Variants in FAT3 observed in about 807,000 individuals in gnomAD.
The protein encoded by FAT3 is protocadherin Fat 3.
In FAT3, 95 loss-of-function variants were observed where a neutral mutation model predicts 310.2. That is an observed-to-expected ratio of 0.31 (90% CI 0.26 to 0.36). The LOEUF is 0.36. Among genes scored for constraint, FAT3 ranks in the 10% least tolerant of loss-of-function variants. FAT3 has a pLI of 1.00. For synonymous variants in FAT3, 2,314 were observed against 2,192.9 expected, an observed-to-expected ratio of 1.06 and a Z score of -1.54; for missense variants, 5,408 against 5,715.6, an observed-to-expected ratio of 0.95 and a Z score of 1.74.
intron 1 of FAT3, among the ~76,000 whole-genome samples, chr11:92,346,188 C>T (rs912481614): frequency 6.6e-5 from 10 of 152,070 alleles, no homozygotes; most frequent in African/African-American, 1.2e-4. Context: ...CATAAAGTAG[C>T]GCCATGAGAA....
intron 3 of FAT3, among the ~76,000 whole-genome samples, chr11:92,686,313 A>G (rs2135874266): frequency 6.6e-6 from 1 of 152,352 alleles, no homozygotes; most frequent in South Asian, 2.1e-4. Context: ...GCCAAACAAA[A>G]GACCTGCTTG....
intron 3 of FAT3, among the ~76,000 whole-genome samples, chr11:92,595,381 AGGGATGTGGGCAACGGAACAAAAAGT>A (rs1939651889): frequency 6.6e-6 from 1 of 152,192 alleles, no homozygotes; most frequent in African/African-American, 2.4e-5. Context: ...AATTGAGCAC[AGGGATGTGGGCAACGGAACAAAAAGT>A]GTTTTATTTA....
In FAT3 at chr11:92,265,868, G is replaced by A. The variant is rs115573586; in HGVS notation, c.-18+40694G>A. Among the ~76,000 whole-genome samples the A allele has an allele frequency of 4.3e-3, 661 of 152,072 alleles. 6 individuals are homozygous for A. Among genetic ancestry groups the A allele is most frequent in the African/African-American group, 0.015 (639 of 41,500 alleles). On this transcript the variant is annotated intron_variant, in intron 1 of 27. Transcript: ENST00000525166. Reference sequence around the variant, plus strand: ...AGGTCCCACCTGTTAGTACCACCTTGGGGTTAGATTCAACACATACATCTT... The same window carrying A: ...AGGTCCCACCTGTTAGTACCACCTTAGGGTTAGATTCAACACATACATCTT...
At chr11:92,590,882 GAGATTTTAACACAA>G (rs1939389518) in intron 3 of FAT3, among the ~76,000 whole-genome samples, 1 of 152,218 alleles carries the variant, frequency 6.6e-6, no homozygotes, top group South Asian at 2.1e-4. Context: ...CAGATGAGCT[GAGATTTTAACACAA>G]AGCCTAAACT....
intron 2 of FAT3, among the ~76,000 whole-genome samples, chr11:92,488,201 A>T (rs1952483089): frequency 6.6e-6 from 1 of 152,046 alleles, no homozygotes; most frequent in South Asian, 2.1e-4. Context: ...ACAGTCCTAT[A>T]ACCACAAGTG....
intron 2 of FAT3, among the ~76,000 whole-genome samples, chr11:92,508,896 T>C (rs1417771415): frequency 6.6e-6 from 1 of 152,164 alleles, no homozygotes; most frequent in East Asian, 1.9e-4. Context: ...GAGCTGAAGG[T>C]TATGTTCTGA....
chr11:92,533,263 A>T (rs762631762), intron 3 of FAT3, among the ~76,000 whole-genome samples: 7 of 152,068 alleles, frequency 4.6e-5, no homozygotes, highest in Non-Finnish European at 1.0e-4. Flanking sequence ...CCTGGCTTCA[A>T]GCAATCCTCC....
chr11:92,247,605 C>T (rs1448654030), intron 1 of FAT3, among the ~76,000 whole-genome samples: 3 of 152,044 alleles, frequency 2.0e-5, no homozygotes, highest in Non-Finnish European at 4.4e-5. Context: ...GCAAGTCTGT[C>T]TTCCTACCAA....
At chr11:92,681,817 A>G (rs1943488192) in intron 3 of FAT3, among the ~76,000 whole-genome samples, 3 of 152,180 alleles carry the variant, frequency 2.0e-5, no homozygotes, top group African/African-American at 7.2e-5. Flanking sequence ...TCAAATTTGC[A>G]CTTTTCTGAA....
At position 92,524,751 on chromosome 11, in the gene FAT3, A is replaced by T; in HGVS notation, c.3410A>T (p.Glu1137Val). 6.2e-7 allele frequency: 1 copy of T among 1,613,776 alleles called. No individual in the cohort carries two copies. The highest frequency in any genetic ancestry group is 8.5e-7 in the Non-Finnish European group (1 of 1,179,802). The change falls in exon 3 of 28, where the codon GAA becomes GTA. Residue 1137 changes from glutamate to valine, a missense_variant. Coordinates refer to ENST00000525166, the MANE Select transcript of FAT3 (RefSeq NM_001367949.2). ...TACTCCACCATTGAGGTCTACATTG[A>T]AGTTGAAGATGTGAATGACAATGCC... ...PLYSTIEVYI[E>V]VEDVNDNAPL...
chr11:92,267,177 G>C (rs1945986264), intron 1 of FAT3, among the ~76,000 whole-genome samples: 1 of 151,972 alleles, frequency 6.6e-6, no homozygotes, highest in South Asian at 2.1e-4. Context: ...ACTTTATCAT[G>C]TTCTTTATTA....
intron 3 of FAT3, among the ~76,000 whole-genome samples, chr11:92,659,904 CT>C (rs1053578783): frequency 6.6e-6 from 1 of 152,130 alleles, no homozygotes; most frequent in African/African-American, 2.4e-5. Context: ...CAGTAACTCT[CT>C]GAGGGAAGTT....
At chr11:92,640,885 A>G (rs2135727442) in intron 3 of FAT3, among the ~76,000 whole-genome samples, 1 of 152,244 alleles carries the variant, frequency 6.6e-6, no homozygotes, top group African/African-American at 2.4e-5. Flanking sequence ...CAGGATGATG[A>G]AGGAATTTAG....
chr11:92,841,518 A>G (rs1431467324), intron 18 of FAT3, among the ~76,000 whole-genome samples: 1 of 152,206 alleles, frequency 6.6e-6, no homozygotes. Context: ...ACTCCATGAA[A>G]CCTTCTAAAT....
At chr11:92,760,543 C>T (rs1480811282) in intron 4 of FAT3, among the ~76,000 whole-genome samples, 2 of 152,256 alleles carry the variant, frequency 1.3e-5, no homozygotes, top group Admixed American at 6.5e-5. Flanking sequence ...ATGGGTTCTT[C>T]CTTTTTTTGT....
intron 3 of FAT3, among the ~76,000 whole-genome samples, chr11:92,561,587 G>T (rs1955228058): frequency 6.6e-6 from 1 of 151,600 alleles, no homozygotes; most frequent in Non-Finnish European, 1.5e-5. Context: ...TCAACATTTT[G>T]ATTCTTTTAT....
At chr11:92,768,994 C>G (rs1357274465) in intron 6 of FAT3, among the ~76,000 whole-genome samples, 1 of 152,146 alleles carries the variant, frequency 6.6e-6, no homozygotes, top group African/African-American at 2.4e-5. Flanking sequence ...CATGCTTTTC[C>G]CCTGAGAGTA....
At chr11:92,597,535 T>A (rs900480014) in intron 3 of FAT3, among the ~76,000 whole-genome samples, 1 of 152,192 alleles carries the variant, frequency 6.6e-6, no homozygotes, top group Admixed American at 6.5e-5. Flanking sequence ...CTCAGGCAGC[T>A]CTTCTTTGGC....
intron 23 of FAT3, 142 bp from the exon 24 acceptor site, chr11:92,882,596 A>AAC: frequency 1.6e-5 from 4 of 246,412 alleles, no homozygotes; most frequent in South Asian, 1.1e-4. Context: ...CCCCCCCCCC[A>AAC]CCAACCATCT....
Sources: allele counts gnomAD v4.1 joint callset (sites outside exome capture counted in the v4.1 genomes callset), GRCh38; gene constraint gnomAD v4.1.1; transcripts MANE v1.5; gene names NCBI Gene and HGNC (gene_info 2026-07-23, HGNC 2026-07-21).